Variants in RPH3A observed in about 807,000 individuals in gnomAD.
RPH3A encodes the protein rabphilin 3A.
RPH3A carries 48 observed loss-of-function variants against 102.2 expected under a neutral mutation model. The ratio of observed to expected loss-of-function variants is 0.47; its 90% CI spans 0.37 to 0.60. The LOEUF is 0.60. Among genes scored for constraint, RPH3A ranks in the 20% least tolerant of loss-of-function variants. The probability of loss-of-function intolerance (pLI) is 0.00; values close to 1 mark genes in which losing one functional copy is unlikely to be tolerated. For synonymous variants in RPH3A, 310 were observed against 324.3 expected (o/e 0.96, Z 0.47); for missense variants, 781 against 910.1 (o/e 0.86, Z 1.83).
At chr12:112,615,442 G>A (rs1044807521) in intron 1 of RPH3A, among the ~76,000 whole-genome samples, 1 of 152,124 alleles carries the variant, frequency 6.6e-6, no homozygotes, top group African/African-American at 2.4e-5. Flanking sequence ...CTAGAGAGGT[G>A]GTCTCCATGG....
intron 21 of RPH3A, among the ~76,000 whole-genome samples, chr12:112,896,147 G>A (rs2043176221): frequency 6.6e-6 from 1 of 152,218 alleles, no homozygotes; most frequent in Admixed American, 6.5e-5. Flanking sequence ...AGAAAGCAGG[G>A]TGCAAAAGAA....
At chr12:112,636,216 A>G (rs1011219318) in intron 1 of RPH3A, among the ~76,000 whole-genome samples, 1 of 152,134 alleles carries the variant, frequency 6.6e-6, no homozygotes, top group Non-Finnish European at 1.5e-5. Flanking sequence ...CATTCCAGCC[A>G]ATGGGAAGGA....
chr12:112,799,468 G>A (rs928918059), intron 2 of RPH3A, among the ~76,000 whole-genome samples: 2 of 152,296 alleles, frequency 1.3e-5, no homozygotes, highest in Admixed American at 6.5e-5. Context: ...TTACCTCCAA[G>A]CCAAATGCTT....
At chr12:112,784,045 T>G (rs552721555) in intron 1 of RPH3A, among the ~76,000 whole-genome samples, 3 of 152,164 alleles carry the variant, frequency 2.0e-5, no homozygotes, top group Non-Finnish European at 4.4e-5. Flanking sequence ...CTTCCCCATC[T>G]CCAATCACAC....
At chr12:112,793,190 T>C (rs957820789) in intron 2 of RPH3A, among the ~76,000 whole-genome samples, 4 of 152,216 alleles carry the variant, frequency 2.6e-5, no homozygotes, top group African/African-American at 9.6e-5. Context: ...ACCTTGAAAT[T>C]GAATCCAAAA....
chr12:112,604,326 A>G (rs2039578638), intron 1 of RPH3A, among the ~76,000 whole-genome samples: 1 of 152,176 alleles, frequency 6.6e-6, no homozygotes, highest in African/African-American at 2.4e-5. Flanking sequence ...TTGCTTTCTA[A>G]AAGAGGATAC....
chr12:112,791,804 A>C lies in RPH3A; in HGVS notation c.-348A>C, dbSNP rs75367349. On this transcript the variant is annotated 5_prime_UTR_variant, in exon 1 of 22. Transcript: ENST00000389385. ...CGGCAGAAACTGGCTCTGGGGAAGC[A>C]ATTGATTCGTCTACTGCCAGCAGCC... is the stretch of plus-strand genomic sequence containing the variant. 1,829 of 147,272 alleles carry C rather than the reference A, an allele frequency of 0.012. 20 individuals carry two copies. Among genetic ancestry groups the C allele is most frequent in the Non-Finnish European group, 0.022 (1,453 of 67,174 alleles). 9.1% of individuals were successfully genotyped at this position (147,272 alleles called of 1,614,324 possible).
At chr12:112,647,606 T>G (rs554576372) in intron 1 of RPH3A, among the ~76,000 whole-genome samples, 1 of 68,078 alleles carries the variant, frequency 1.5e-5, no homozygotes, top group Non-Finnish European at 3.2e-5. Context: ...TGTGTGTGTA[T>G]GTGTGTGTGT....
intron 1 of RPH3A, among the ~76,000 whole-genome samples, chr12:112,652,610 C>A (rs1203759414): frequency 6.6e-6 from 1 of 152,170 alleles, no homozygotes; most frequent in Admixed American, 6.6e-5. Flanking sequence ...AGTCTCACCA[C>A]CTGGTGTGGT....
chr12:112,785,051 C>T (rs1033386642), intron 1 of RPH3A, among the ~76,000 whole-genome samples: 11 of 152,002 alleles, frequency 7.2e-5, no homozygotes, highest in African/African-American at 1.9e-4. Flanking sequence ...GGAGAAACCC[C>T]GTCTCTACTA....
intron 1 of RPH3A, among the ~76,000 whole-genome samples, chr12:112,752,688 A>G (rs976740110): frequency 3.3e-5 from 5 of 151,546 alleles, no homozygotes; most frequent in Non-Finnish European, 7.4e-5. Context: ...ATGTATACAT[A>G]TATTTTTCTA....
intron 2 of RPH3A, among the ~76,000 whole-genome samples, chr12:112,819,102 G>A (rs2041731507): frequency 6.6e-6 from 1 of 151,904 alleles, no homozygotes; most frequent in African/African-American, 2.4e-5. Flanking sequence ...ATATATGTGT[G>A]TGTGTGTATA....
chr12:112,786,328 G>A (rs2041050820), intron 1 of RPH3A, among the ~76,000 whole-genome samples: 1 of 152,214 alleles, frequency 6.6e-6, no homozygotes, highest in Admixed American at 6.5e-5. Context: ...GGATTTGTCA[G>A]TGCACATAGG....
chr12:112,841,393 G>A (rs1003343869), intron 4 of RPH3A, among the ~76,000 whole-genome samples: 1 of 152,056 alleles, frequency 6.6e-6, no homozygotes, highest in African/African-American at 2.4e-5. Flanking sequence ...GGGCAGGATA[G>A]CATGGTGATT....
chr12:112,725,250 G>GAAAAAA lies in RPH3A; in HGVS notation c.-139-66869_-139-66864dup, dbSNP rs35952537. ...GGTGACAGAGCAAGACTTTGTCTCA[G>GAAAAAA]AAAAAAAAAAAAAAAAAAAAAAAAA... is the stretch of plus-strand genomic sequence containing the variant. On this transcript the variant is annotated intron_variant, in intron 1 of 21. Transcript: ENST00000543106. 7.9e-5 allele frequency among the ~76,000 whole-genome samples: 5 copies of GAAAAAA among 63,066 alleles called. 1 individual carries two copies. The highest frequency in any genetic ancestry group is 6.2e-4 in the South Asian group (1 of 1,612). 41.4% of individuals were successfully genotyped at this position (63,066 alleles called of 152,430 possible).
At chr12:112,719,187 G>A (rs1316370707) in intron 1 of RPH3A, among the ~76,000 whole-genome samples, 2 of 152,176 alleles carry the variant, frequency 1.3e-5, no homozygotes, top group African/African-American at 2.4e-5. Context: ...TAGTGCTGAG[G>A]TTAAGAAACC....
chr12:112,837,843 ATCCCCAGGCTCC>A (rs1208056013), intron 4 of RPH3A: 3 of 454,628 alleles, frequency 6.6e-6, no homozygotes, highest in Non-Finnish European at 1.3e-5. Flanking sequence ...TCTGTCCTTC[ATCCCCAGGCTCC>A]TCCCCTCCTT....
intron 1 of RPH3A, among the ~76,000 whole-genome samples, chr12:112,776,333 A>G (rs1010414138): frequency 1.3e-5 from 2 of 152,198 alleles, no homozygotes; most frequent in African/African-American, 4.8e-5. Context: ...ATAACAATAA[A>G]CACGCTCTTA....
At chr12:112,688,342 C>T (rs2040282229) in intron 1 of RPH3A, among the ~76,000 whole-genome samples, 1 of 152,212 alleles carries the variant, frequency 6.6e-6, no homozygotes, top group Non-Finnish European at 1.5e-5. Flanking sequence ...ATTAGAGATG[C>T]TGTATTCTAG....
Sources: gnomAD v4.1 joint callset for allele counts (sites outside exome capture counted in the v4.1 genomes callset) on GRCh38, gnomAD v4.1.1 for gene constraint, MANE v1.5 for transcripts, NCBI Gene and HGNC (gene_info 2026-07-23, HGNC 2026-07-21) for gene names.